GDA: variants seen among roughly 807,000 people sequenced by gnomAD.
GDA encodes guanine deaminase.
Under a neutral mutation model 59.6 loss-of-function variants are expected in GDA, and 18 were observed. The ratio of observed to expected loss-of-function variants is 0.30; its 90% CI spans 0.21 to 0.45. GDA has a LOEUF of 0.45. GDA is among the 20% of genes least tolerant of loss of function. The pLI, the probability that GDA is intolerant of heterozygous loss-of-function variation, is 1.00. For missense variants in GDA, 427 were observed against 552.3 expected, an observed-to-expected ratio of 0.77 and a Z score of 2.27; for synonymous variants, 201 against 201.1, an observed-to-expected ratio of 1.00 and a Z score of 0.00.
chr9:72,207,888 T>C (rs981235675), intron 3 of GDA, among the ~76,000 whole-genome samples: 1 of 151,908 alleles, frequency 6.6e-6, no homozygotes, highest in African/African-American at 2.4e-5. Context: ...GGCAAGAGGA[T>C]CACTTGGGGC....
chr9:72,241,757 G>A (rs1839636876), intron 11 of GDA, among the ~76,000 whole-genome samples: 1 of 152,112 alleles, frequency 6.6e-6, no homozygotes, highest in Admixed American at 6.5e-5. Context: ...GCTGGGCTTG[G>A]TGAAGTGTCC....
At chr9:72,242,413 A>T (rs1839717406) in intron 11 of GDA, among the ~76,000 whole-genome samples, 1 of 152,240 alleles carries the variant, frequency 6.6e-6, no homozygotes, top group South Asian at 2.1e-4. Context: ...TCACTTTAGA[A>T]TTATACATGT....
intron 1 of GDA, among the ~76,000 whole-genome samples, chr9:72,159,835 T>G (rs1041267837): frequency 1.3e-5 from 2 of 152,338 alleles, no homozygotes; most frequent in African/African-American, 4.8e-5. Context: ...TTGTCTTGCT[T>G]TTATAATTTA....
chr9:72,241,890 T>G (rs1839653771), intron 11 of GDA, among the ~76,000 whole-genome samples: 1 of 152,128 alleles, frequency 6.6e-6, no homozygotes, highest in Admixed American at 6.5e-5. Context: ...TGAGACCTTG[T>G]CTCCAAATAA....
At chr9:72,201,652 T>C (rs1362719742) in intron 2 of GDA, among the ~76,000 whole-genome samples, 1 of 152,194 alleles carries the variant, frequency 6.6e-6, no homozygotes, top group Non-Finnish European at 1.5e-5. Flanking sequence ...TTACCTAGGA[T>C]AATGGTGGCA....
chr9:72,203,818 T>A (rs1290840957), intron 3 of GDA, among the ~76,000 whole-genome samples: 2 of 152,048 alleles, frequency 1.3e-5, no homozygotes, highest in African/African-American at 4.8e-5. Context: ...TGCTTTTTTT[T>A]TTTCTTCTTT....
At chr9:72,116,465 C>T (rs2132510037) in intron 1 of GDA, among the ~76,000 whole-genome samples, 1 of 145,766 alleles carries the variant, frequency 6.9e-6, no homozygotes, top group East Asian at 2.1e-4. Flanking sequence ...TCACTGCAAC[C>T]TCCGCCTCCT....
chr9:72,121,332 T>C (rs56661302), intron 1 of GDA, among the ~76,000 whole-genome samples: 17,930 of 152,188 alleles, frequency 0.12, 2,184 homozygotes, highest in African/African-American at 0.31. Flanking sequence ...GCGCAGTGGC[T>C]CACACCTGTA....
chr9:72,125,390 C>G (rs1244718499), intron 1 of GDA, among the ~76,000 whole-genome samples: 3 of 141,794 alleles, frequency 2.1e-5, no homozygotes, highest in African/African-American at 5.1e-5. Context: ...GGATCTCGCT[C>G]TGTCACTCAG....
At chr9:72,133,540 G>T in intron 1 of GDA, among the ~76,000 whole-genome samples, 1 of 152,048 alleles carries the variant, frequency 6.6e-6, no homozygotes, top group Non-Finnish European at 1.5e-5. Flanking sequence ...GGCAAGGCTC[G>T]ATTTTAGATC....
At chr9:72,116,243 A>G (rs1332042745) in intron 1 of GDA, among the ~76,000 whole-genome samples, 1 of 151,792 alleles carries the variant, frequency 6.6e-6, no homozygotes, top group East Asian at 1.9e-4. Flanking sequence ...AAAAAAAAAA[A>G]ATTTATGAAA....
intron 5 of GDA, among the ~76,000 whole-genome samples, chr9:72,217,141 TATAA>T (rs1386759734): frequency 2.0e-5 from 3 of 152,250 alleles, no homozygotes; most frequent in Non-Finnish European, 2.9e-5. Flanking sequence ...TATACTTCAA[TATAA>T]ATAGTTTTTA....
At chr9:72,254,617 G>GGAAGAT (rs1286571776), downstream of GDA, among the ~76,000 whole-genome samples, 1 of 152,142 alleles carries the variant, frequency 6.6e-6, no homozygotes, top group Non-Finnish European at 1.5e-5. Flanking sequence ...TAACGGCCCT[G>GGAAGAT]GAAGATGGTT....
intron 12 of GDA, among the ~76,000 whole-genome samples, 186 bp downstream of exon 12, chr9:72,245,464 C>A (rs138385762): frequency 6.6e-6 from 1 of 152,064 alleles, no homozygotes; most frequent in African/African-American, 2.4e-5. Flanking sequence ...ATGGTGTTAA[C>A]AAAACTTTTA....
intron 1 of GDA, among the ~76,000 whole-genome samples, chr9:72,169,719 G>A (rs749194125): frequency 2.0e-5 from 3 of 152,116 alleles, no homozygotes; most frequent in Non-Finnish European, 2.9e-5. Context: ...AACATTTTGC[G>A]TTTCTGTTAT....
intron 4 of GDA, among the ~76,000 whole-genome samples, chr9:72,212,341 G>A (rs1157532274): frequency 6.6e-6 from 1 of 151,946 alleles, no homozygotes; most frequent in South Asian, 2.1e-4. Flanking sequence ...AATTAACCAA[G>A]CGTAGTGGTG....
At chr9:72,115,110 C>T (rs57777355) in intron 1 of GDA, among the ~76,000 whole-genome samples, 3 of 152,296 alleles carry the variant, frequency 2.0e-5, no homozygotes, top group East Asian at 1.9e-4. Context: ...ATTTTATGAC[C>T]TCCCAGTGCT....
rs1837799524 is a variant in GDA, at chr9:72,227,930, C to T, written c.823-13C>T. 6.8e-7 allele frequency: 1 copy of T among 1,478,762 alleles called. No homozygotes were observed. Among genetic ancestry groups the T allele is most frequent in the Non-Finnish European group, 9.4e-7 (1 of 1,058,702 alleles). 91.6% of individuals were successfully genotyped at this position (1,478,762 alleles called of 1,614,324 possible). On this transcript the variant is annotated splice_polypyrimidine_tract_variant and intron_variant, in intron 8 of 13. Transcript: ENST00000358399. ...TGAGCGGTAAACTCCACGTAGGGCA[C>T]TCTTCTCTCCAGACAGTGATGGCAC...
rs181382887 is a variant in GDA, at chr9:72,251,026, T to A, written c.*2684T>A. Reference sequence around the variant, plus strand: ...CCAAGGAGACTGTTCCCTAATTTATTCTCTTGGCTGGTTCTCTCATTGAAT... The same window carrying A: ...CCAAGGAGACTGTTCCCTAATTTATACTCTTGGCTGGTTCTCTCATTGAAT... On this transcript the variant is annotated 3_prime_UTR_variant, in exon 14 of 14. Coordinates refer to ENST00000358399, the MANE Select transcript of GDA (RefSeq NM_004293.5). 1.8e-6 allele frequency: 1 copy of A among 551,544 alleles called. No homozygotes were observed. The highest frequency in any genetic ancestry group is 3.2e-6 in the Non-Finnish European group (1 of 311,968). The allele number at this position is 551,544 out of a possible 1,614,324, so 34.2% of individuals were successfully genotyped here.
Sources: gnomAD v4.1 joint callset for allele counts (sites outside exome capture counted in the v4.1 genomes callset) on GRCh38, gnomAD v4.1.1 for gene constraint, MANE v1.5 for transcripts, NCBI Gene and HGNC (gene_info 2026-07-23, HGNC 2026-07-21) for gene names.